Variants in ABCA13 observed in about 807,000 individuals in gnomAD.
ABCA13 encodes ATP-binding cassette sub-family A member 13.
Under a neutral mutation model 478.7 loss-of-function variants are expected in ABCA13, and 476 were observed. The ratio of observed to expected loss-of-function variants is 0.99; its 90% CI spans 0.92 to 1.07. The LOEUF is 1.07. ABCA13 is among the 50% of genes least tolerant of loss of function. The pLI, the probability that ABCA13 is intolerant of heterozygous loss-of-function variation, is 0.00. For missense variants in ABCA13, 6,060 were observed against 5,910.6 expected (o/e 1.03, Z -0.83); for synonymous variants, 2,252 against 2,158.9 (o/e 1.04, Z -1.20).
At chr7:48,439,655 C>G (rs1173245688) in intron 42 of ABCA13, among the ~76,000 whole-genome samples, 1 of 151,998 alleles carries the variant, frequency 6.6e-6, no homozygotes, top group African/African-American at 2.4e-5. Context: ...TTACATAAAG[C>G]TCAAAAACAG....
intron 18 of ABCA13, 67 bp downstream of exon 18, chr7:48,279,987 A>G (rs1032713260): frequency 5.7e-6 from 8 of 1,407,420 alleles, no homozygotes; most frequent in Non-Finnish European, 7.5e-6. Flanking sequence ...AGAACCATGC[A>G]GGAATTACAG....
chr7:48,583,616 G>T (rs1233661573), intron 56 of ABCA13, among the ~76,000 whole-genome samples: 2 of 152,158 alleles, frequency 1.3e-5, no homozygotes. Flanking sequence ...GCAAACGAAA[G>T]CATCCCAAAA....
At chr7:48,584,412 C>T (rs1271287148) in intron 56 of ABCA13, among the ~76,000 whole-genome samples, 3 of 152,166 alleles carry the variant, frequency 2.0e-5, no homozygotes, top group South Asian at 2.1e-4. Context: ...GGACCACTGT[C>T]GGAGAGGAGT....
At chr7:48,488,506 A>G (rs1333226023) in intron 47 of ABCA13, among the ~76,000 whole-genome samples, 1 of 152,198 alleles carries the variant, frequency 6.6e-6, no homozygotes, top group Non-Finnish European at 1.5e-5. Context: ...CAAGCGGATT[A>G]TCTGTCACAA....
rs555085025 is a variant in ABCA13 at position 48,430,561 on chromosome 7, A to G, written c.12565+2690A>G. On this transcript the variant is annotated intron_variant, in intron 42 of 61. Coordinates refer to ENST00000435803, the MANE Select transcript of ABCA13 (RefSeq NM_152701.5). ...ATGGTGGCAGGTGCCTGTAATCCCA[A>G]TTACTTGGGAGGCGGAGGCAGAGAA... Among the ~76,000 whole-genome samples, 55 of 151,304 alleles carry G rather than the reference A, an allele frequency of 3.6e-4. 1 individual carries two copies. The highest frequency in any genetic ancestry group is 1.3e-3 in the African/African-American group (55 of 41,214).
chr7:48,376,917 G>A (rs902038363), intron 35 of ABCA13, among the ~76,000 whole-genome samples: 1 of 152,096 alleles, frequency 6.6e-6, no homozygotes, highest in African/African-American at 2.4e-5. Flanking sequence ...GGGTGAGGGT[G>A]GGGGTGCTCA....
chr7:48,382,645 T>C (rs1814568065), intron 35 of ABCA13, among the ~76,000 whole-genome samples: 2 of 152,218 alleles, frequency 1.3e-5, no homozygotes, highest in African/African-American at 2.4e-5. Flanking sequence ...CTAGCATCCC[T>C]CCCAGCATCT....
chr7:48,448,133 C>A (rs1255732771), intron 42 of ABCA13, among the ~76,000 whole-genome samples: 1 of 152,140 alleles, frequency 6.6e-6, no homozygotes, highest in South Asian at 2.1e-4. Flanking sequence ...AGAACCTTGC[C>A]TCCCAAATGT....
intron 55 of ABCA13, among the ~76,000 whole-genome samples, chr7:48,541,700 A>C (rs1054846189): frequency 3.9e-5 from 5 of 127,232 alleles, no homozygotes; most frequent in African/African-American, 1.8e-4. Flanking sequence ...AATATTTTAA[A>C]AGGGAGAAGA....
At chr7:48,600,784 G>T (rs1357759100) in intron 58 of ABCA13, among the ~76,000 whole-genome samples, 2 of 152,046 alleles carry the variant, frequency 1.3e-5, no homozygotes, top group African/African-American at 4.8e-5. Flanking sequence ...TTTTAAAGAA[G>T]ATAAGAAAAT....
chr7:48,422,544 T>C (rs2362307), intron 41 of ABCA13, among the ~76,000 whole-genome samples: 19,229 of 152,074 alleles, frequency 0.13, 1,512 homozygotes, highest in African/African-American at 0.2. Context: ...AAATCAGACA[T>C]TGAATTTTTT....
chr7:48,352,362 C>G lies in ABCA13; in HGVS notation c.10563C>G (p.Asn3521Lys). 1 of 1,613,670 alleles carries G rather than the reference C, an allele frequency of 6.2e-7. No individual in the cohort carries two copies. Among genetic ancestry groups the G allele is most frequent in the Non-Finnish European group, 8.5e-7 (1 of 1,179,854 alleles). ...TACCAGCTGATGGGTTCAAATATAA[C>G]TACGTCTTTGCCCCACTGCAAGACA... Reference protein sequence around the residue: ...QNLPADGFKYNYVFAPLQDMI... With the variant: ...QNLPADGFKYKYVFAPLQDMI... The change falls in exon 31 of 62, where the codon AAC (asparagine) becomes AAG (lysine). Residue 3521 changes from asparagine to lysine, a missense_variant. Asn to Lys is a moderately conservative substitution (Grantham distance 94). Coordinates refer to ENST00000435803, the MANE Select transcript of ABCA13 (RefSeq NM_152701.5).
intron 31 of ABCA13, among the ~76,000 whole-genome samples, chr7:48,364,572 C>T (rs1323208465): frequency 6.6e-6 from 1 of 152,156 alleles, no homozygotes; most frequent in South Asian, 2.1e-4. Context: ...CCCCTTTACC[C>T]TTCCCAGCAT....
At chr7:48,322,905 G>T (rs528701095) in intron 27 of ABCA13, among the ~76,000 whole-genome samples, 1 of 152,098 alleles carries the variant, frequency 6.6e-6, no homozygotes, top group Non-Finnish European at 1.5e-5. Flanking sequence ...ATCACTATAG[G>T]TAGGTTTTCT....
At chr7:48,406,039 A>C (rs1818220558) in intron 39 of ABCA13, among the ~76,000 whole-genome samples, 1 of 152,212 alleles carries the variant, frequency 6.6e-6, no homozygotes, top group Non-Finnish European at 1.5e-5. Context: ...GACAGATCTA[A>C]GGACTGTGCA....
At chr7:48,484,594 A>G (rs1829104082) in intron 47 of ABCA13, among the ~76,000 whole-genome samples, 1 of 152,206 alleles carries the variant, frequency 6.6e-6, no homozygotes, top group African/African-American at 2.4e-5. Flanking sequence ...TGTCTGAGGC[A>G]CGGACCTCTT....
intron 3 of ABCA13, among the ~76,000 whole-genome samples, chr7:48,199,092 T>C (rs1021040196): frequency 6.6e-6 from 1 of 152,242 alleles, no homozygotes; most frequent in African/African-American, 2.4e-5. Context: ...GAGTTTTATT[T>C]AATCTATATT....
intron 6 of ABCA13, among the ~76,000 whole-genome samples, chr7:48,229,213 ATATT>A (rs1397396046): frequency 1.6e-4 from 24 of 152,072 alleles, no homozygotes; most frequent in Admixed American, 1.6e-3. Context: ...AAATTTAAGC[ATATT>A]TATTTATAAA....
chr7:48,446,244 G>T (rs1824283471), intron 42 of ABCA13, among the ~76,000 whole-genome samples: 1 of 151,946 alleles, frequency 6.6e-6, no homozygotes. Context: ...TGATTTAGAT[G>T]GTCTGTGGCC....
Sources: gnomAD v4.1 joint callset for allele counts (sites outside exome capture counted in the v4.1 genomes callset) on GRCh38, gnomAD v4.1.1 for gene constraint, MANE v1.5 for transcripts, NCBI Gene and HGNC (gene_info 2026-07-23, HGNC 2026-07-21) for gene names.